Variants in NR6A1 observed in about 807,000 individuals in gnomAD.
NR6A1 encodes the protein retinoic acid receptor-related testis-associated receptor.
Under a neutral mutation model 59.1 loss-of-function variants are expected in NR6A1, and 7 were observed. The ratio of observed to expected loss-of-function variants is 0.12; its 90% confidence interval spans 0.07 to 0.22. The LOEUF is 0.22. Ranked by LOEUF, NR6A1 falls within the 10% of genes least tolerant of loss-of-function variation. The pLI is 1.00. For missense variants in NR6A1, 468 were observed against 611.6 expected (o/e 0.77, Z 2.48); for synonymous variants, 243 against 236.1 (o/e 1.03, Z -0.27).
At chr9:124,715,156 C>T (rs976541679) in intron 2 of NR6A1, among the ~76,000 whole-genome samples, 3 of 151,334 alleles carry the variant, frequency 2.0e-5, no homozygotes, top group Non-Finnish European at 4.4e-5. Flanking sequence ...CGAGACCATG[C>T]CACTGCATTC....
At chr9:124,686,266 A>G (rs1446711805) in intron 2 of NR6A1, among the ~76,000 whole-genome samples, 6 of 152,338 alleles carry the variant, frequency 3.9e-5, no homozygotes, top group African/African-American at 1.4e-4. Context: ...GCGCTTCATA[A>G]TTGTAAAAAA....
At chr9:124,586,455 T>C (rs1237983156) in intron 2 of NR6A1, among the ~76,000 whole-genome samples, 1 of 151,944 alleles carries the variant, frequency 6.6e-6, no homozygotes, top group East Asian at 1.9e-4. Flanking sequence ...ATTTTTTTTT[T>C]TTTTTCAAGA....
At chr9:124,661,967 T>C (rs1350330017) in intron 2 of NR6A1, among the ~76,000 whole-genome samples, 2 of 151,914 alleles carry the variant, frequency 1.3e-5, no homozygotes, top group East Asian at 3.9e-4. Flanking sequence ...AGCATACCCA[T>C]CTTCAACTAC....
At chr9:124,752,466 A>G (rs1052307568) in intron 1 of NR6A1, among the ~76,000 whole-genome samples, 1 of 152,214 alleles carries the variant, frequency 6.6e-6, no homozygotes, top group Non-Finnish European at 1.5e-5. Context: ...AGAACACAAT[A>G]AAATGGTAAT....
chr9:124,668,634 TTTCACAATCATTTG>T (rs1186747228), intron 2 of NR6A1, among the ~76,000 whole-genome samples: 1 of 152,242 alleles, frequency 6.6e-6, no homozygotes, highest in African/African-American at 2.4e-5. Flanking sequence ...AACACCGATT[TTTCACAATCATTTG>T]TTCACTTACA....
At chr9:124,603,694 T>A (rs1330786975) in intron 2 of NR6A1, among the ~76,000 whole-genome samples, 1 of 152,060 alleles carries the variant, frequency 6.6e-6, no homozygotes, top group African/African-American at 2.4e-5. Flanking sequence ...AACCAGTGTA[T>A]CTCCAGTGCT....
At chr9:124,734,245 C>T (rs1206138368) in intron 1 of NR6A1, among the ~76,000 whole-genome samples, 3 of 152,248 alleles carry the variant, frequency 2.0e-5, no homozygotes, top group Non-Finnish European at 4.4e-5. Flanking sequence ...CAAGGAACTA[C>T]TTGTTCAGCG....
chr9:124,549,974 TTTCC>T (rs1452896410), intron 3 of NR6A1, among the ~76,000 whole-genome samples: 4 of 152,214 alleles, frequency 2.6e-5, no homozygotes, highest in African/African-American at 9.7e-5. Flanking sequence ...CAGCTCAGTC[TTTCC>T]TTGTTTTTTT....
chr9:124,689,852 T>C (rs1223541919), intron 2 of NR6A1, among the ~76,000 whole-genome samples: 2 of 152,200 alleles, frequency 1.3e-5, no homozygotes, highest in Non-Finnish European at 2.9e-5. Context: ...CTGTTCTCCC[T>C]TAATATAGTT....
At chr9:124,623,778 C>A (rs1181608906) in intron 2 of NR6A1, among the ~76,000 whole-genome samples, 1 of 152,134 alleles carries the variant, frequency 6.6e-6, no homozygotes, top group East Asian at 1.9e-4. Context: ...TATATGGGGT[C>A]TTGAAGGAAA....
chr9:124,717,802 A>C (rs1839447479), intron 2 of NR6A1, among the ~76,000 whole-genome samples: 2 of 152,254 alleles, frequency 1.3e-5, no homozygotes, highest in South Asian at 4.1e-4. Context: ...GACCTTGGCC[A>C]AGTGTTAAAC....
intron 2 of NR6A1, among the ~76,000 whole-genome samples, chr9:124,608,300 C>T (rs545325639): frequency 2.6e-5 from 4 of 151,986 alleles, no homozygotes; most frequent in Admixed American, 6.6e-5. Flanking sequence ...CTCCCTCCCC[C>T]ACCCCCAACA....
At chr9:124,565,490 G>A (rs996468214) in intron 2 of NR6A1, among the ~76,000 whole-genome samples, 1 of 151,986 alleles carries the variant, frequency 6.6e-6, no homozygotes, top group African/African-American at 2.4e-5. Flanking sequence ...ACTAACCATA[G>A]AAGAAAACAT....
At chr9:124,564,639 G>A (rs1356700165) in intron 2 of NR6A1, among the ~76,000 whole-genome samples, 1 of 151,938 alleles carries the variant, frequency 6.6e-6, no homozygotes, top group African/African-American at 2.4e-5. Context: ...CATTACAGTA[G>A]AGGTCTATAG....
chr9:124,610,930 T>C (rs1428757184), intron 2 of NR6A1, among the ~76,000 whole-genome samples: 1 of 152,170 alleles, frequency 6.6e-6, no homozygotes, highest in Non-Finnish European at 1.5e-5. Context: ...TACACCAAGC[T>C]GAGCGGAGAG....
At chr9:124,577,341 C>T (rs1233689260) in intron 2 of NR6A1, among the ~76,000 whole-genome samples, 1 of 152,200 alleles carries the variant, frequency 6.6e-6, no homozygotes, top group Non-Finnish European at 1.5e-5. Flanking sequence ...GGCATGATTT[C>T]CAACTGTCAA....
chr9:124,561,252 C>A, intron 2 of NR6A1, among the ~76,000 whole-genome samples: 1 of 151,908 alleles, frequency 6.6e-6, no homozygotes, highest in East Asian at 1.9e-4. Context: ...CCTGGGCAAC[C>A]TGGCAAAACC....
At chr9:124,745,745 C>G (rs1403680068) in intron 1 of NR6A1, among the ~76,000 whole-genome samples, 1 of 150,504 alleles carries the variant, frequency 6.6e-6, no homozygotes, top group Non-Finnish European at 1.5e-5. Flanking sequence ...CTTTGGGAGG[C>G]TAAGGCGGGC....
intron 2 of NR6A1, among the ~76,000 whole-genome samples, chr9:124,556,742 T>G (rs1370768829): frequency 6.6e-6 from 1 of 152,148 alleles, no homozygotes; most frequent in Non-Finnish European, 1.5e-5. Flanking sequence ...ATTAGAGGTG[T>G]GAGCCACCAC....
Sources: gnomAD v4.1 joint callset for allele counts (sites outside exome capture counted in the v4.1 genomes callset) on GRCh38, gnomAD v4.1.1 for gene constraint, MANE v1.5 for transcripts, NCBI Gene and HGNC (gene_info 2026-07-23, HGNC 2026-07-21) for gene names.